Variants in JDP2 observed in about 807,000 individuals in gnomAD.
JDP2 encodes the protein progesterone receptor co-activator.
Under a neutral mutation model 17.1 loss-of-function variants are expected in JDP2, and 9 were observed. That is an observed-to-expected ratio of 0.53 (90% confidence interval 0.32 to 0.92). JDP2 has a LOEUF of 0.92. Ranked by LOEUF, JDP2 falls within the 40% of genes least tolerant of loss-of-function variation. The pLI, the probability that JDP2 is intolerant of heterozygous loss-of-function variation, is 0.04. For missense variants in JDP2, 179 were observed against 220.0 expected, an observed-to-expected ratio of 0.81 and a Z score of 1.18; for synonymous variants, 107 against 95.6, an observed-to-expected ratio of 1.12 and a Z score of -0.69.
chr14:75,457,414 A>G (rs911747432), intron 2 of JDP2, among the ~76,000 whole-genome samples: 11 of 152,270 alleles, frequency 7.2e-5, no homozygotes, highest in African/African-American at 2.7e-4. Flanking sequence ...GCTGTGGGGC[A>G]TGAAGGCAGA....
chr14:75,448,051 C>T (rs972358151), intron 2 of JDP2, among the ~76,000 whole-genome samples: 3 of 152,100 alleles, frequency 2.0e-5, no homozygotes, highest in Admixed American at 6.5e-5. Context: ...AATTTGGATA[C>T]GAGATTATCA....
At chr14:75,465,485 A>G (rs1237321834) in intron 3 of JDP2, among the ~76,000 whole-genome samples, 4 of 152,046 alleles carry the variant, frequency 2.6e-5, no homozygotes, top group Admixed American at 2.6e-4. Flanking sequence ...GCACACGACC[A>G]TGCCTGGCTA....
At chr14:75,461,354 T>C (rs1460976048) in intron 2 of JDP2, 72 bp from the exon 3 acceptor site, 2 of 1,140,704 alleles carry the variant, frequency 1.8e-6, no homozygotes, top group African/African-American at 3.0e-5. Flanking sequence ...TGTCCCTCTG[T>C]CTATGTGTCA....
At chr14:75,443,222 G>C (rs189142770) in intron 2 of JDP2, among the ~76,000 whole-genome samples, 18 of 152,282 alleles carry the variant, frequency 1.2e-4, no homozygotes, top group African/African-American at 4.3e-4. Flanking sequence ...AGACCAAGAC[G>C]TGCATCCATG....
At chr14:75,433,388 T>G (rs929327293) in intron 1 of JDP2, among the ~76,000 whole-genome samples, 1 of 150,872 alleles carries the variant, frequency 6.6e-6, no homozygotes, top group Admixed American at 6.6e-5. Context: ...CCTTTAGCTT[T>G]TCTTTTCTCT....
chr14:75,455,234 T>C (rs1411518745), intron 2 of JDP2, among the ~76,000 whole-genome samples: 1 of 152,146 alleles, frequency 6.6e-6, no homozygotes, highest in South Asian at 2.1e-4. Context: ...GTGAGGCTGA[T>C]TGTGCTGTTG....
Position 75,430,462 on chromosome 14 carries a change from G to C in JDP2, c.-24+2210G>C. ...GTTTGAAACCGAAATGGGAGGAAGA[G>C]AAAAATGGAGTGAGTGTATATGGGT... On this transcript the variant is annotated intron_variant, in intron 1 of 3. Coordinates refer to ENST00000651602, the MANE Select transcript of JDP2 (RefSeq NM_001135048.2). This position sits in a 1 kb window ranked among gnomAD's most constrained non-coding sequence, Gnocchi z 4.5. 6.6e-6 allele frequency among the ~76,000 whole-genome samples: 1 copy of C among 152,116 alleles called. No homozygotes were observed. The highest frequency in any genetic ancestry group is 2.1e-4 in the South Asian group (1 of 4,828).
rs1886348022 is a variant in JDP2, at chr14:75,461,536, C to T, written c.306+6C>T. 2.5e-6 allele frequency: 4 copies of T among 1,593,000 alleles called. No homozygotes were observed. Among genetic ancestry groups the T allele is most frequent in the Admixed American group, 1.8e-5 (1 of 55,930 alleles). On this transcript the variant is annotated splice_donor_region_variant and intron_variant, in intron 3 of 3. Coordinates refer to ENST00000651602, the MANE Select transcript of JDP2 (RefSeq NM_001135048.2). Reference sequence around the variant, plus strand: ...GCACGGAGTTTCTGCAGCGGGTGAGCTGACCGGGTGGGTGGGGAGGCCTGC... The same window carrying T: ...GCACGGAGTTTCTGCAGCGGGTGAGTTGACCGGGTGGGTGGGGAGGCCTGC...
At chr14:75,434,757 G>A (rs1884984226) in intron 1 of JDP2, among the ~76,000 whole-genome samples, 1 of 152,138 alleles carries the variant, frequency 6.6e-6, no homozygotes, top group Non-Finnish European at 1.5e-5. Flanking sequence ...GAAATACACA[G>A]AAGCCTCTGG....
intron 2 of JDP2, among the ~76,000 whole-genome samples, chr14:75,444,805 G>C (rs1885519154): frequency 6.6e-6 from 1 of 152,238 alleles, no homozygotes; most frequent in African/African-American, 2.4e-5. Flanking sequence ...CCTTTCTGAA[G>C]TATTAGCCTA....
intron 2 of JDP2, among the ~76,000 whole-genome samples, chr14:75,446,300 A>G (rs1057232695): frequency 2.0e-5 from 3 of 152,048 alleles, no homozygotes; most frequent in Non-Finnish European, 2.9e-5. Context: ...TCACTCCTAC[A>G]TATATTTCCT....
At position 75,469,596 on chromosome 14, in the gene JDP2, C is replaced by T; in HGVS notation, c.*121C>T. 1.3e-6 allele frequency: 1 copy of T among 797,772 alleles called. No homozygotes were observed. 49.4% of individuals were successfully genotyped at this position (797,772 alleles called of 1,614,324 possible). On this transcript the variant is annotated 3_prime_UTR_variant, in exon 4 of 4. Coordinates refer to ENST00000651602, the MANE Select transcript of JDP2 (RefSeq NM_001135048.2). ...GCATGAAAAACTGTACAATGAGGTT[C>T]AGCACAGCCAGCATCAGCCGAGCTT...
upstream of JDP2, chr14:75,427,737 G>C (rs974237040): frequency 2.6e-5 from 4 of 152,194 alleles, no homozygotes; most frequent in African/African-American, 9.7e-5. The surrounding 1 kb of genome is among the most constrained non-coding windows in gnomAD (Gnocchi z 4.4). Context: ...GAGCGCTCCT[G>C]CACCGTGGGG....
At chr14:75,467,687 C>A (rs190853107) in intron 3 of JDP2, among the ~76,000 whole-genome samples, 24 of 152,244 alleles carry the variant, frequency 1.6e-4, no homozygotes, top group African/African-American at 5.5e-4. Flanking sequence ...TGGCACCTAA[C>A]TGCCCCAGCC....
At chr14:75,456,381 T>C (rs1271457957) in intron 2 of JDP2, among the ~76,000 whole-genome samples, 3 of 152,224 alleles carry the variant, frequency 2.0e-5, no homozygotes, top group East Asian at 1.9e-4. Flanking sequence ...TCTCTGTCTG[T>C]CTGCCTGTTT....
intron 1 of JDP2, among the ~76,000 whole-genome samples, chr14:75,431,641 A>G (rs11627913): frequency 6.6e-6 from 1 of 152,114 alleles, no homozygotes; most frequent in Non-Finnish European, 1.5e-5. Context: ...TGCACCTTCT[A>G]CCCAGCCCTG....
At chr14:75,432,349 A>G (rs1884847636) in intron 1 of JDP2, 1 of 1,551,186 alleles carries the variant, frequency 6.4e-7, no homozygotes. Context: ...ACTATGCGCC[A>G]TGACCCCTGG....
intron 1 of JDP2, among the ~76,000 whole-genome samples, chr14:75,435,034 G>A (rs1410082964): frequency 3.9e-5 from 6 of 152,246 alleles, no homozygotes; most frequent in Non-Finnish European, 8.8e-5. Context: ...CTTACCACCT[G>A]GAATCACAGC....
At chr14:75,450,236 G>A (rs1319762406) in intron 2 of JDP2, among the ~76,000 whole-genome samples, 1 of 152,138 alleles carries the variant, frequency 6.6e-6, no homozygotes, top group Non-Finnish European at 1.5e-5. Flanking sequence ...CATACAGAAG[G>A]TGTCCCCTGC....
Sources: allele counts gnomAD v4.1 joint callset (sites outside exome capture counted in the v4.1 genomes callset), GRCh38; gene constraint gnomAD v4.1.1; non-coding constraint Gnocchi (gnomAD v3.1); transcripts MANE v1.5; gene names NCBI Gene and HGNC (gene_info 2026-07-23, HGNC 2026-07-21).